Variants in ROBO2 observed in about 807,000 individuals in gnomAD.
ROBO2 encodes roundabout guidance receptor 2.
ROBO2 carries 53 observed loss-of-function variants against 160.8 expected under a neutral mutation model. That is an observed-to-expected ratio of 0.33 (90% CI 0.26 to 0.41). The LOEUF is 0.41. Among genes scored for constraint, ROBO2 ranks in the 10% least tolerant of loss-of-function variants. ROBO2 has a pLI of 1.00. For missense variants in ROBO2, 1,577 were observed against 1,722.4 expected (o/e 0.92, Z 1.49); for synonymous variants, 664 against 611.7 (o/e 1.09, Z -1.26).
intron 2 of ROBO2, among the ~76,000 whole-genome samples, chr3:77,272,547 T>TGG (rs1019867873): frequency 6.6e-6 from 1 of 151,980 alleles, no homozygotes; most frequent in Non-Finnish European, 1.5e-5. Flanking sequence ...ACACAAACAC[T>TGG]GGGGATTACA....
At chr3:77,421,644 G>GAGCATCCTC (rs565692082) in intron 2 of ROBO2, among the ~76,000 whole-genome samples, 1 of 152,060 alleles carries the variant, frequency 6.6e-6, no homozygotes, top group African/African-American at 2.4e-5. Context: ...TTGAACTAGT[G>GAGCATCCTC]AGCATCCTCA....
intron 2 of ROBO2, among the ~76,000 whole-genome samples, chr3:76,058,534 G>A (rs17013724): frequency 0.022 from 3,054 of 141,104 alleles, 42 homozygotes; most frequent in East Asian, 0.084. Flanking sequence ...GTAGAGTGAC[G>A]ATTTCCACTT....
chr3:76,370,674 T>C (rs2076057505), intron 2 of ROBO2, among the ~76,000 whole-genome samples: 1 of 151,876 alleles, frequency 6.6e-6, no homozygotes, highest in African/African-American at 2.4e-5. Context: ...AATTAACAAT[T>C]AAAAATTATT....
chr3:76,913,743 C>T (rs962786170), intron 2 of ROBO2, among the ~76,000 whole-genome samples: 1 of 152,258 alleles, frequency 6.6e-6, no homozygotes, highest in Admixed American at 6.5e-5. Flanking sequence ...GAATAATACT[C>T]CTTTAGATGA....
chr3:76,137,837 A>G (rs2071487710), intron 2 of ROBO2, among the ~76,000 whole-genome samples: 1 of 151,928 alleles, frequency 6.6e-6, no homozygotes, highest in African/African-American at 2.4e-5. Flanking sequence ...TTTTATATAT[A>G]TATATTTTTC....
At chr3:76,872,173 G>A (rs1190983664) in intron 2 of ROBO2, among the ~76,000 whole-genome samples, 1 of 152,038 alleles carries the variant, frequency 6.6e-6, no homozygotes, top group Non-Finnish European at 1.5e-5. Context: ...AATAAACTCT[G>A]CCCAATGAAA....
intron 6 of ROBO2, among the ~76,000 whole-genome samples, chr3:77,524,055 T>C (rs1315877223): frequency 6.6e-6 from 1 of 151,272 alleles, no homozygotes; most frequent in Non-Finnish European, 1.5e-5. Flanking sequence ...AAAACTCAAC[T>C]ACCTCCAGGT....
chr3:76,530,182 A>C (rs561915034), intron 2 of ROBO2, among the ~76,000 whole-genome samples: 1 of 152,192 alleles, frequency 6.6e-6, no homozygotes, highest in Non-Finnish European at 1.5e-5. Flanking sequence ...GCGTGTACAC[A>C]GGGCTACATG....
At chr3:76,418,322 C>A (rs1029979342) in intron 2 of ROBO2, among the ~76,000 whole-genome samples, 1 of 89,744 alleles carries the variant, frequency 1.1e-5, no homozygotes, top group Non-Finnish European at 2.2e-5. Flanking sequence ...CGGCTCACTA[C>A]AACCTCATCC....
chr3:76,602,323 G>T (rs2087216794), intron 2 of ROBO2, among the ~76,000 whole-genome samples: 1 of 152,054 alleles, frequency 6.6e-6, no homozygotes. Context: ...CAGTTCCAAA[G>T]TCGCTTCCAC....
At chr3:76,261,575 A>G (rs917032576) in intron 2 of ROBO2, among the ~76,000 whole-genome samples, 4 of 152,084 alleles carry the variant, frequency 2.6e-5, no homozygotes, top group Admixed American at 6.6e-5. Flanking sequence ...GGGATGAAAT[A>G]CAATTTAAAA....
chr3:76,048,128 CTT>C (rs1382536137), intron 2 of ROBO2, among the ~76,000 whole-genome samples: 1 of 152,004 alleles, frequency 6.6e-6, no homozygotes, highest in Non-Finnish European at 1.5e-5. Context: ...ATTGTCAACA[CTT>C]TGTGAATGAA....
intron 2 of ROBO2, among the ~76,000 whole-genome samples, chr3:76,221,522 T>A (rs1295984709): frequency 6.6e-6 from 1 of 152,200 alleles, no homozygotes; most frequent in African/African-American, 2.4e-5. Flanking sequence ...ACGCTTTGAT[T>A]CCTGAACCCA....
intron 2 of ROBO2, among the ~76,000 whole-genome samples, chr3:76,805,600 T>C (rs1194793308): frequency 6.6e-6 from 1 of 151,940 alleles, no homozygotes; most frequent in East Asian, 1.9e-4. Flanking sequence ...ATTTTAGTAG[T>C]AACATAGATC....
intron 1 of ROBO2, among the ~76,000 whole-genome samples, chr3:77,084,918 A>G (rs1559973028): frequency 6.6e-6 from 1 of 152,142 alleles, no homozygotes; most frequent in East Asian, 1.9e-4. Flanking sequence ...ACTGAAAACT[A>G]CACTCAGTAT....
chr3:77,310,023 T>C (rs964887544), intron 2 of ROBO2, among the ~76,000 whole-genome samples: 8 of 152,310 alleles, frequency 5.3e-5, no homozygotes, highest in African/African-American at 1.4e-4. Context: ...GTTTAAAAGC[T>C]TCAAGTTTGT....
At chr3:76,547,310 A>T (rs890808685) in intron 2 of ROBO2, among the ~76,000 whole-genome samples, 1 of 151,986 alleles carries the variant, frequency 6.6e-6, no homozygotes, top group African/African-American at 2.4e-5. Context: ...ACCTTGTTCA[A>T]TTTAAAGCAC....
chr3:76,191,859 A>T (rs999533679), intron 2 of ROBO2, among the ~76,000 whole-genome samples: 2 of 152,008 alleles, frequency 1.3e-5, no homozygotes, highest in Admixed American at 1.3e-4. Flanking sequence ...TTTCTAATGA[A>T]CTAGATGTGA....
chr3:76,924,735 A>G (rs9851089), intron 2 of ROBO2, among the ~76,000 whole-genome samples: 40,835 of 152,102 alleles, frequency 0.27, 5,738 homozygotes, highest in African/African-American at 0.34. Context: ...TTTTGGACTA[A>G]GAATGCCATA....
Sources: gnomAD v4.1 joint callset for allele counts (sites outside exome capture counted in the v4.1 genomes callset) on GRCh38, gnomAD v4.1.1 for gene constraint, MANE v1.5 for transcripts, NCBI Gene and HGNC (gene_info 2026-07-23, HGNC 2026-07-21) for gene names.